Variants in ILKAP observed in about 807,000 individuals in gnomAD.
ILKAP encodes the protein ILK associated serine/threonine phosphatase, also known as integrin-linked kinase-associated serine/threonine phosphatase 2C.
In ILKAP, 11 loss-of-function variants were observed where a neutral mutation model predicts 49.1. That is an observed-to-expected ratio of 0.22 (90% CI 0.14 to 0.37). ILKAP has a LOEUF of 0.37. Ranked by LOEUF, ILKAP falls within the 10% of genes least tolerant of loss-of-function variation. The probability of loss-of-function intolerance (pLI) is 1.00; values close to 1 mark genes in which losing one functional copy is unlikely to be tolerated. For missense variants in ILKAP, 363 were observed against 510.8 expected (o/e 0.71, Z 2.79); for synonymous variants, 186 against 192.8 (o/e 0.96, Z 0.29).
intron 4 of ILKAP, among the ~76,000 whole-genome samples, chr2:238,189,201 C>T (rs1470609301): frequency 6.6e-6 from 1 of 152,078 alleles, no homozygotes; most frequent in African/African-American, 2.4e-5. Flanking sequence ...GTCTGTAGTC[C>T]CAGCTACTCG....
intron 5 of ILKAP, 80 bp from the exon 6 acceptor site, chr2:238,185,367 CAA>C (rs1180216935): frequency 1.1e-5 from 10 of 892,680 alleles, no homozygotes; most frequent in African/African-American, 3.3e-5. Flanking sequence ...AATTTCGTCT[CAA>C]AGAGTGAACA....
chr2:238,180,263 A>G (rs1693633960), intron 9 of ILKAP, among the ~76,000 whole-genome samples: 1 of 152,230 alleles, frequency 6.6e-6, no homozygotes. Context: ...TGAAACAAAG[A>G]TACTTTGGGG....
chr2:238,173,179 G>A (rs532124179), intron 10 of ILKAP, among the ~76,000 whole-genome samples: 4 of 152,198 alleles, frequency 2.6e-5, no homozygotes, highest in South Asian at 2.1e-4. Flanking sequence ...TCCCTCAAGC[G>A]CCTGTCTGGC....
In ILKAP at chr2:238,185,413, C is replaced by T. The variant is rs1226172221; in HGVS notation, c.426-126G>A. The T allele has an allele frequency of 9.8e-6, 6 of 611,638 alleles. No homozygotes were observed. In the East Asian group the frequency reaches 1.1e-4, roughly 11 times the overall value. 37.9% of individuals were successfully genotyped at this position (611,638 alleles called of 1,614,324 possible). ...TCAGAGGAAGTCACACTGGTTAAGACACCAGTCACACTGTTACAAATGGGA... is the reference window on the plus strand; with the variant it reads ...TCAGAGGAAGTCACACTGGTTAAGATACCAGTCACACTGTTACAAATGGGA... On this transcript the variant is annotated intron_variant, in intron 5 of 11. Coordinates refer to ENST00000254654, the MANE Select transcript of ILKAP (RefSeq NM_030768.3).
In ILKAP at chr2:238,203,533, C is replaced by T; in HGVS notation, c.21G>A (p.Leu7=). Residue 7 remains leucine, a synonymous_variant, in exon 1 of 12, where the codon CTG becomes CTA. Transcript: ENST00000254654. The part of the protein sequence containing the change: MDLFGD[L]PEPERSPRPA... Reference sequence around the variant, plus strand: ...GGCGCGGCGAGCGCTCGGGCTCCGGCAGGTCCCCGAAGAGGTCCATGGCGG... The same window carrying T: ...GGCGCGGCGAGCGCTCGGGCTCCGGTAGGTCCCCGAAGAGGTCCATGGCGG... 8.1e-7 allele frequency: 1 copy of T among 1,230,794 alleles called. No individual in the cohort carries two copies. The highest frequency in any genetic ancestry group is 2.3e-5 in the South Asian group (1 of 44,130). The allele number at this position is 1,230,794 out of a possible 1,614,324, so 76.2% of individuals were successfully genotyped here.
chr2:238,176,378 G>C (rs540512168), intron 9 of ILKAP, among the ~76,000 whole-genome samples: 3 of 152,084 alleles, frequency 2.0e-5, no homozygotes, highest in African/African-American at 7.2e-5. Context: ...TGATCCACCC[G>C]CCTTGGCCCC....
intron 9 of ILKAP, among the ~76,000 whole-genome samples, chr2:238,175,856 C>T (rs142249521): frequency 5.3e-4 from 81 of 151,568 alleles, no homozygotes; most frequent in Admixed American, 8.5e-4. Context: ...GACATGGTGG[C>T]GCATTATAGC....
intron 3 of ILKAP, among the ~76,000 whole-genome samples, chr2:238,193,088 CTTG>C (rs1040713950): frequency 2.0e-4 from 31 of 152,320 alleles, no homozygotes; most frequent in Middle Eastern, 3.4e-3. Context: ...AAAAATTAAG[CTTG>C]TTAATAGTGT....
chr2:238,177,683 G>A (rs1341163977), intron 9 of ILKAP, among the ~76,000 whole-genome samples: 1 of 152,166 alleles, frequency 6.6e-6, no homozygotes, highest in Non-Finnish European at 1.5e-5. Flanking sequence ...ATAATATTCT[G>A]TTATATAGAC....
At chr2:238,186,056 C>T (rs911307886) in intron 5 of ILKAP, 1 of 152,188 alleles carries the variant, frequency 6.6e-6, no homozygotes, top group African/African-American at 2.4e-5. Context: ...CATTAACAAA[C>T]AGATCAAGTT....
chr2:238,185,588 G>A (rs1693871669), intron 5 of ILKAP: 1 of 260,990 alleles, frequency 3.8e-6, no homozygotes, highest in Admixed American at 5.0e-5. Flanking sequence ...CGGATCACGA[G>A]ATCAGGAGAT....
In ILKAP at chr2:238,203,562, C is replaced by A; in HGVS notation, c.-9G>T. On this transcript the variant is annotated 5_prime_UTR_variant, in exon 1 of 12. Coordinates refer to ENST00000254654, the MANE Select transcript of ILKAP (RefSeq NM_030768.3). The stretch of plus-strand genomic sequence containing the variant: ...TCCCCGAAGAGGTCCATGGCGGAGG[C>A]TGGGTGGAGGCGGCAGCAGCGACAG... 1.7e-6 allele frequency: 2 copies of A among 1,163,258 alleles called. No individual in the cohort carries two copies. The highest frequency in any genetic ancestry group is 6.6e-5 in the South Asian group (2 of 30,410). 72.1% of individuals were successfully genotyped at this position (1,163,258 alleles called of 1,614,324 possible).
At chr2:238,183,546 G>A (rs1693781991) in intron 8 of ILKAP, 107 bp downstream of exon 8, 5 of 810,802 alleles carry the variant, frequency 6.2e-6, no homozygotes, top group South Asian at 3.2e-5. Context: ...CAGAAGAAAG[G>A]TTTCAACCAG....
chr2:238,194,734 G>T, intron 2 of ILKAP, 71 bp downstream of exon 2: 2 of 1,453,836 alleles, frequency 1.4e-6, no homozygotes, highest in Non-Finnish European at 1.9e-6. Flanking sequence ...AAGGGAAAAA[G>T]ATTGAGACAA....
At chr2:238,202,330 GC>G (rs1247289386) in intron 1 of ILKAP, among the ~76,000 whole-genome samples, 2 of 152,150 alleles carry the variant, frequency 1.3e-5, no homozygotes, top group African/African-American at 4.8e-5. Flanking sequence ...GTCTCTCGGT[GC>G]CCGACAATCC....
chr2:238,196,418 G>C (rs926801097), intron 1 of ILKAP, among the ~76,000 whole-genome samples: 2 of 151,982 alleles, frequency 1.3e-5, no homozygotes, highest in Non-Finnish European at 2.9e-5. Flanking sequence ...GTAGAGACGG[G>C]GTTTCACCAT....
intron 3 of ILKAP, among the ~76,000 whole-genome samples, chr2:238,190,877 TAAAAAAAAAAAAAA>T (rs57511265): frequency 1.1e-5 from 1 of 95,130 alleles, no homozygotes; most frequent in Non-Finnish European, 1.9e-5. Context: ...CGTTTCTCTT[TAAAAAAAAAAAAAA>T]AAAAAAAAAA....
At chr2:238,177,181 T>TAA (rs1340675463) in intron 9 of ILKAP, among the ~76,000 whole-genome samples, 1 of 152,248 alleles carries the variant, frequency 6.6e-6, no homozygotes, top group Non-Finnish European at 1.5e-5. Context: ...TTTACATACT[T>TAA]TTGTTAAGAA....
intron 6 of ILKAP, among the ~76,000 whole-genome samples, chr2:238,184,766 G>A (rs1559294072): frequency 1.3e-5 from 2 of 148,794 alleles, no homozygotes; most frequent in South Asian, 4.3e-4. Context: ...GTCTCCCTAT[G>A]TTGCCAGGCT....
Sources: gnomAD v4.1 joint callset for allele counts (sites outside exome capture counted in the v4.1 genomes callset) on GRCh38, gnomAD v4.1.1 for gene constraint, MANE v1.5 for transcripts, NCBI Gene and HGNC (gene_info 2026-07-23, HGNC 2026-07-21) for gene names.